NUMB: variants seen among roughly 807,000 people sequenced by gnomAD.
NUMB encodes protein numb homolog.
Under a neutral mutation model 59.7 loss-of-function variants are expected in NUMB, and 29 were observed. The ratio of observed to expected loss-of-function variants is 0.49; its 90% confidence interval spans 0.36 to 0.66. The LOEUF (loss-of-function observed/expected upper bound fraction) is 0.66, where lower values mean the gene tolerates loss of function less well. Ranked by LOEUF, NUMB falls within the 30% of genes least tolerant of loss-of-function variation. The probability of loss-of-function intolerance (pLI) is 0.00; values close to 1 mark genes in which losing one functional copy is unlikely to be tolerated. For missense variants in NUMB, 723 were observed against 822.0 expected (o/e 0.88, Z 1.47); for synonymous variants, 288 against 288.2 (o/e 1.00, Z 0.01).
chr14:73,352,477 CATATATATATATATATATAT>C (rs1170959840), intron 4 of NUMB, among the ~76,000 whole-genome samples: 163 of 12,682 alleles, frequency 0.013, 11 homozygotes, highest in Non-Finnish European at 0.015. Flanking sequence ...CACACACACA[CATATATATATATATATATAT>C]ATATATATAT....
intron 6 of NUMB, among the ~76,000 whole-genome samples, chr14:73,309,761 A>C (rs1414709808): frequency 6.8e-6 from 1 of 147,510 alleles, no homozygotes; most frequent in Non-Finnish European, 1.5e-5. Flanking sequence ...AATAATAAAA[A>C]TAGGATCCAG....
intron 3 of NUMB, among the ~76,000 whole-genome samples, chr14:73,360,734 T>C (rs1049105954): frequency 1.3e-5 from 2 of 152,176 alleles, no homozygotes; most frequent in Admixed American, 6.6e-5. Flanking sequence ...TACATTGGTC[T>C]CCCACTCATT....
In NUMB at chr14:73,276,660, T is replaced by C. The variant is rs371320723; in HGVS notation, c.1874A>G (p.Asn625Ser). 13 of 1,614,096 alleles carry C rather than the reference T, an allele frequency of 8.1e-6. No homozygotes were observed. The African/African-American group carries it at 1.2e-4, about 15-fold the overall frequency. ...GGGATTAGTACGCTGCTTGGACTTA[T>C]TTTCTAATGCAGCCCACTGGGCTTC... is the stretch of plus-strand genomic sequence containing the variant. ...PFEAQWAALE[N>S]KSKQRTNPSP... is the part of the protein sequence containing the mutation. The change falls in exon 13 of 13, where the codon AAT (asparagine) becomes AGT (serine). Residue 625 changes from asparagine (N) to serine (S), a missense_variant. Transcript: ENST00000555238.
intron 2 of NUMB, among the ~76,000 whole-genome samples, chr14:73,408,189 T>C (rs1261070498): frequency 6.6e-6 from 1 of 150,872 alleles, no homozygotes; most frequent in Non-Finnish European, 1.5e-5. Flanking sequence ...ATTGCGCCAC[T>C]GCACTCCAGC....
In NUMB at chr14:73,410,033, C is replaced by A. The variant is rs961617118; in HGVS notation, c.-197G>T. 2 of 152,220 alleles carry A rather than the reference C, an allele frequency of 1.3e-5. No homozygotes were observed. The highest frequency in any genetic ancestry group is 2.9e-5 in the Non-Finnish European group (2 of 68,040). The allele number at this position is 152,220 out of a possible 1,614,324, so 9.4% of individuals were successfully genotyped here. On this transcript the variant is annotated 5_prime_UTR_variant, in exon 2 of 13. Transcript: ENST00000555238. Reference sequence around the variant, plus strand: ...TGAATTGTAACAGTGGCTGCACTGGCACTCTTCCCCGGAAGAAGTTGCTTA... The same window carrying A: ...TGAATTGTAACAGTGGCTGCACTGGAACTCTTCCCCGGAAGAAGTTGCTTA...
At chr14:73,432,131 A>T (rs1897857991) in intron 1 of NUMB, among the ~76,000 whole-genome samples, 1 of 152,152 alleles carries the variant, frequency 6.6e-6, no homozygotes, top group Non-Finnish European at 1.5e-5. Context: ...TTACCAATCA[A>T]ATCTCCAAAG....
In NUMB at chr14:73,323,190, T is replaced by C. The variant is rs1891493463; in HGVS notation, c.141A>G (p.Val47=). The change falls in exon 5 of 13, where the codon GTA becomes GTG. Residue 47 remains valine, a synonymous_variant. Coordinates refer to ENST00000555238, the MANE Select transcript of NUMB (RefSeq NM_001005743.2). ...CSFPVKYLGH[V]EVDESRGMHI... ...GCATTCCTCTTGATTCATCAACTTC[T>C]ACATGGCCAAGGTACTGTAGAAAGA... 1 of 1,612,942 alleles carries C rather than the reference T, an allele frequency of 6.2e-7. No homozygotes were observed. The highest frequency in any genetic ancestry group is 2.2e-5 in the East Asian group (1 of 44,832).
At chr14:73,324,926 T>C (rs1404584364) in intron 4 of NUMB, among the ~76,000 whole-genome samples, 1 of 152,192 alleles carries the variant, frequency 6.6e-6, no homozygotes, top group East Asian at 1.9e-4. Flanking sequence ...GACATTAAGA[T>C]GAGACTGCAA....
intron 2 of NUMB, among the ~76,000 whole-genome samples, chr14:73,376,593 G>A (rs559070004): frequency 1.3e-5 from 2 of 149,892 alleles, no homozygotes; most frequent in African/African-American, 4.9e-5. Context: ...ACCCAGAATA[G>A]CCAACTCAAT....
At chr14:73,336,270 T>A (rs1393150224) in intron 4 of NUMB, among the ~76,000 whole-genome samples, 1 of 152,222 alleles carries the variant, frequency 6.6e-6, no homozygotes. Context: ...ATTACATATA[T>A]TAACTTATCA....
intron 7 of NUMB, 131 bp from the exon 8 acceptor site, chr14:73,293,005 G>C: frequency 1.1e-6 from 1 of 887,246 alleles, no homozygotes; most frequent in Non-Finnish European, 1.7e-6. Context: ...ACCTAGATCT[G>C]TGTCCAGCAG....
At chr14:73,380,362 A>G (rs1895169609) in intron 2 of NUMB, among the ~76,000 whole-genome samples, 1 of 152,228 alleles carries the variant, frequency 6.6e-6, no homozygotes, top group African/African-American at 2.4e-5. Context: ...GAGATGCAGC[A>G]GACAGAAGGA....
At chr14:73,396,015 CAT>C (rs1331037201) in intron 2 of NUMB, among the ~76,000 whole-genome samples, 1 of 152,058 alleles carries the variant, frequency 6.6e-6, no homozygotes, top group South Asian at 2.1e-4. Flanking sequence ...TGAAAACTAA[CAT>C]AGTCTTTTTT....
intron 2 of NUMB, among the ~76,000 whole-genome samples, chr14:73,393,492 T>G (rs1183369243): frequency 1.3e-5 from 2 of 152,220 alleles, no homozygotes; most frequent in Non-Finnish European, 2.9e-5. Context: ...TCTGGAAGAT[T>G]GGCAATTTGA....
At chr14:73,414,177 A>C (rs1305944163) in intron 1 of NUMB, among the ~76,000 whole-genome samples, 1 of 151,902 alleles carries the variant, frequency 6.6e-6, no homozygotes, top group Non-Finnish European at 1.5e-5. Context: ...GGCTGGTCTC[A>C]AACTCCTGAC....
chr14:73,374,446 G>A (rs889955880), intron 2 of NUMB, among the ~76,000 whole-genome samples: 7 of 152,146 alleles, frequency 4.6e-5, no homozygotes, highest in African/African-American at 1.7e-4. Flanking sequence ...AGGAAAGAAA[G>A]ACATAAAATA....
Position 73,424,691 on chromosome 14 carries a change from C to A in NUMB, c.-232-14623G>T, listed in dbSNP as rs1245011561. ...TACCAACAAGCATAATCTTCATGAGCACGTCTCTAAAGGGCAGAATGATAT... is the reference window on the plus strand; with the variant it reads ...TACCAACAAGCATAATCTTCATGAGAACGTCTCTAAAGGGCAGAATGATAT... On this transcript the variant is annotated intron_variant, in intron 1 of 12. Transcript: ENST00000555238. Among the ~76,000 whole-genome samples the A allele has an allele frequency of 2.0e-5, 3 of 152,132 alleles. No homozygotes were observed. The South Asian group carries it at 6.2e-4, about 32-fold the overall frequency.
chr14:73,379,742 C>T (rs780215777), intron 2 of NUMB, among the ~76,000 whole-genome samples: 6 of 152,018 alleles, frequency 3.9e-5, no homozygotes, highest in Non-Finnish European at 8.8e-5. Context: ...GTGTACAAGT[C>T]CTTTAGATGG....
At chr14:73,445,101 A>G (rs1883379129) in intron 1 of NUMB, among the ~76,000 whole-genome samples, 1 of 152,046 alleles carries the variant, frequency 6.6e-6, no homozygotes, top group Non-Finnish European at 1.5e-5. Context: ...AATTCAAAAG[A>G]ATTTAGAGAT....
Sources: allele counts gnomAD v4.1 joint callset (sites outside exome capture counted in the v4.1 genomes callset), GRCh38; gene constraint gnomAD v4.1.1; transcripts MANE v1.5; gene names NCBI Gene and HGNC (gene_info 2026-07-23, HGNC 2026-07-21).